The following FBN3 variants were observed in gnomAD, a reference collection of about 807,000 sequenced individuals.
The protein encoded by FBN3 is fibrillin 3.
A neutral mutation model predicts 330.1 loss-of-function variants in FBN3; 234 were observed. That is an observed-to-expected ratio of 0.71 (90% CI 0.64 to 0.79). FBN3 has a LOEUF of 0.79. Among genes scored for constraint, FBN3 ranks in the 30% least tolerant of loss-of-function variants. FBN3 has a pLI of 0.00. For synonymous variants in FBN3, 1,458 were observed against 1,517.3 expected, an observed-to-expected ratio of 0.96 and a Z score of 0.91; for missense variants, 3,606 against 3,886.9, an observed-to-expected ratio of 0.93 and a Z score of 1.92.
chr19:8,127,996 G>A (rs1475840761), intron 18 of FBN3, among the ~76,000 whole-genome samples: 1 of 152,034 alleles, frequency 6.6e-6, no homozygotes, highest in African/African-American at 2.4e-5. Flanking sequence ...GCGAGACTCT[G>A]TCTCAAAAAG....
At chr19:8,145,819 G>A (rs2083527413) in intron 5 of FBN3, 24 bp downstream of exon 5, 1 of 1,523,762 alleles carries the variant, frequency 6.6e-7, no homozygotes, top group Admixed American at 2.0e-5. Context: ...TGTGCAAAGA[G>A]GGGAGTCCCA....
At position 8,147,135 on chromosome 19, in the gene FBN3, C is replaced by G. The variant is rs145040385; in HGVS notation, c.219G>C (p.Arg73Ser). The change falls in exon 3 of 64, where the codon AGG becomes AGC. Residue 73 changes from arginine to serine, a missense_variant. By Grantham distance (110) the Arg-to-Ser change is moderately radical. Coordinates refer to ENST00000600128, the MANE Select transcript of FBN3 (RefSeq NM_032447.5). ...RFHAYCCPGWRTFPGRSQCVV... is the reference protein window; with the variant it reads ...RFHAYCCPGWSTFPGRSQCVV... ...CACACTGGCTCCTGCCAGGGAATGT[C>G]CTCCAGCCTGGACAGCAGTAGGCAT... 6.4e-7 allele frequency: 1 copy of G among 1,571,418 alleles called. No homozygotes were observed. Among genetic ancestry groups the G allele is most frequent in the East Asian group, 2.3e-5 (1 of 42,736 alleles).
Position 8,121,852 on chromosome 19 carries a change from C to T in FBN3, c.3083-466G>A, listed in dbSNP as rs1427341966. ...GCAACTTCTGCCTCCCAGGATCAAG[C>T]GATTCTCCTGCCTCAGCCTCCCGAG... On this transcript the variant is annotated intron_variant, in intron 24 of 63. Coordinates refer to ENST00000600128, the MANE Select transcript of FBN3 (RefSeq NM_032447.5). This position sits in a 1 kb window ranked among gnomAD's most constrained non-coding sequence, Gnocchi z 4.5. Among the ~76,000 whole-genome samples, 5 of 151,936 alleles carry T rather than the reference C, an allele frequency of 3.3e-5. No homozygotes were observed. Among genetic ancestry groups the T allele is most frequent in the East Asian group, 1.9e-4 (1 of 5,178 alleles).
intron 48 of FBN3, 89 bp downstream of exon 48, chr19:8,091,376 C>T (rs12984611): frequency 0.22 from 337,639 of 1,524,050 alleles, 38,400 homozygotes; most frequent in Middle Eastern, 0.24. Context: ...CAAAGGGTCA[C>T]ACAAGAAACC....
chr19:8,084,600 T>C (rs1231418518), intron 56 of FBN3, among the ~76,000 whole-genome samples: 1 of 152,064 alleles, frequency 6.6e-6, no homozygotes, highest in Non-Finnish European at 1.5e-5. Flanking sequence ...TTTATTTATT[T>C]TTTTGGGACA....
chr19:8,088,184 G>T lies in FBN3; in HGVS notation c.6377-5C>A, dbSNP rs1053007177. ...CGACAGAGCACTCGTCTGTGTCTGG[G>T]TGGGAGTAAGGGGGTGGTCAGCACC... is the stretch of plus-strand genomic sequence containing the variant. On this transcript the variant is annotated splice_polypyrimidine_tract_variant and splice_region_variant and intron_variant, in intron 51 of 63. Coordinates refer to ENST00000600128, the MANE Select transcript of FBN3 (RefSeq NM_032447.5). 6 of 1,589,692 alleles carry T rather than the reference G, an allele frequency of 3.8e-6. No individual in the cohort carries two copies. In the African/African-American group the frequency reaches 5.4e-5, roughly 14 times the overall value.
Position 8,111,064 on chromosome 19 carries a change from A to T in FBN3, c.4204T>A (p.Cys1402Ser). The T allele has an allele frequency of 1.2e-6, 2 of 1,612,578 alleles. No individual in the cohort carries two copies. The highest frequency in any genetic ancestry group is 8.5e-7 in the Non-Finnish European group (1 of 1,179,186). Reference protein sequence around the residue: ...GFDPTEDHRACQDVDECAQGN... With the variant: ...GFDPTEDHRASQDVDECAQGN... ...CTGGCGGGCCCAACCTTACCCTGGCAGGCCCGGTGGTCCTCGGTGGGGTCA... is the reference window on the plus strand; with the variant it reads ...CTGGCGGGCCCAACCTTACCCTGGCTGGCCCGGTGGTCCTCGGTGGGGTCA... Residue 1402 changes from cysteine to serine, a missense_variant, in exon 33 of 64, where the codon TGC becomes AGC. Coordinates refer to ENST00000600128, the MANE Select transcript of FBN3 (RefSeq NM_032447.5).
chr19:8,126,438 G>C lies in FBN3; in HGVS notation c.2554+30C>G, dbSNP rs556536763. On this transcript the variant is annotated intron_variant, in intron 20 of 63. Transcript: ENST00000600128. The stretch of plus-strand genomic sequence containing the variant: ...GCCCCATGGAGGGCTTTTCCCATGG[G>C]TGCCTGGGAGGCCTCAAGGAGGATA... The C allele has an allele frequency of 3.1e-6, 5 of 1,602,770 alleles. No individual in the cohort carries two copies. In the East Asian group the frequency reaches 1.1e-4, roughly 36 times the overall value.
At chr19:8,135,936 G>GCCACCCCCCCCCCCCCC in intron 13 of FBN3, 25 bp downstream of exon 13, 1 of 668,778 alleles carries the variant, frequency 1.5e-6, no homozygotes, top group Non-Finnish European at 2.4e-6. Context: ...GGAAGCCCCT[G>GCCACCCCCCCCCCCCCC]CCCACCCGCC....
Position 8,136,232 on chromosome 19 carries a change from A to G in FBN3, c.1423T>C (p.Tyr475His). The change falls in exon 12 of 64, where the codon TAC (tyrosine) becomes CAC (histidine). Residue 475 changes from tyrosine to histidine, a missense_variant. Transcript: ENST00000600128. ...NIPGTYHCRCYPGFQATPTRQ... is the reference protein window; with the variant it reads ...NIPGTYHCRCHPGFQATPTRQ... ...GTGGGCGTGGCCTGGAAGCCCGGGT[A>G]GCACCGGCAGTGGTAGGTGCCGGGG... 3 of 1,611,908 alleles carry G rather than the reference A, an allele frequency of 1.9e-6. No individual in the cohort carries two copies. Among genetic ancestry groups the G allele is most frequent in the Non-Finnish European group, 1.7e-6 (2 of 1,179,444 alleles).
At chr19:8,128,813 C>T (rs929740819) in intron 18 of FBN3, among the ~76,000 whole-genome samples, 1 of 152,146 alleles carries the variant, frequency 6.6e-6, no homozygotes, top group African/African-American at 2.4e-5. Flanking sequence ...TGAGCGTGTG[C>T]ATGTGTGTCT....
In FBN3 at chr19:8,085,406, C is replaced by T. The variant is rs769995095; in HGVS notation, c.7044G>A (p.Arg2348=). ...LCPLPGTSAY[R]KLCPHGSGYT... ...AGCCTGAGCCATGGGGGCACAGCTTCCTGTAGGCAGAGGTGCCGGGCAGGG... is the reference window on the plus strand; with the variant it reads ...AGCCTGAGCCATGGGGGCACAGCTTTCTGTAGGCAGAGGTGCCGGGCAGGG... Residue 2348 remains arginine, a synonymous_variant, in exon 56 of 64, where the codon AGG becomes AGA. Transcript: ENST00000600128. 7.6e-6 allele frequency: 12 copies of T among 1,579,054 alleles called. No homozygotes were observed. In the South Asian group the frequency reaches 1.3e-4, roughly 17 times the overall value.
At chr19:8,088,848 C>G (rs1190346934) in intron 51 of FBN3, among the ~76,000 whole-genome samples, 1 of 151,472 alleles carries the variant, frequency 6.6e-6, no homozygotes, top group Non-Finnish European at 1.5e-5. Flanking sequence ...AATGAGGGAG[C>G]AAACGAGTGA....
At chr19:8,134,326 C>T (rs1345354727) in intron 13 of FBN3, among the ~76,000 whole-genome samples, 1 of 152,094 alleles carries the variant, frequency 6.6e-6, no homozygotes, top group Non-Finnish European at 1.5e-5. Flanking sequence ...AGCATTATGC[C>T]TAACAGCAAA....
In FBN3 at chr19:8,129,124, GGAGGCTGTT is replaced by G; in HGVS notation, c.2191_2199del (p.Asn731_Leu733del). On this transcript the variant is annotated inframe_deletion, in exon 18 of 64. Transcript: ENST00000600128. This position sits in a 1 kb window ranked among gnomAD's most constrained non-coding sequence, Gnocchi z 4.5. ...TTCTGGCACCACCCGTTGTCACACAGGAGGCTGTTGAGGGCACACTCATCCACGTCTGTG... is the reference window on the plus strand; with the variant it reads ...TTCTGGCACCACCCGTTGTCACACAGGAGGGCACACTCATCCACGTCTGTG... The G allele has an allele frequency of 1.2e-6, 2 of 1,613,132 alleles. No individual in the cohort carries two copies. Among genetic ancestry groups the G allele is most frequent in the Non-Finnish European group, 1.7e-6 (2 of 1,179,984 alleles).
chr19:8,123,395 A>G, intron 24 of FBN3, 69 bp downstream of exon 24: 4 of 1,519,056 alleles, frequency 2.6e-6, no homozygotes, highest in South Asian at 2.3e-5. Context: ...TGTTGTCTCT[A>G]CGTCTTATTT....
At chr19:8,071,850 AC>A (rs34243008) in intron 63 of FBN3, among the ~76,000 whole-genome samples, 197 bp downstream of exon 63, 88,848 of 151,066 alleles carry the variant, frequency 0.59, 28,138 homozygotes, top group South Asian at 0.8. Flanking sequence ...TCCCCCAGAG[AC>A]CCCCCCCAAG....
In FBN3 at chr19:8,141,975, C is replaced by A; in HGVS notation, c.704G>T (p.Gly235Val). 4 of 1,614,160 alleles carry A rather than the reference C, an allele frequency of 2.5e-6. No individual in the cohort carries two copies. The highest frequency in any genetic ancestry group is 3.4e-6 in the Non-Finnish European group (4 of 1,180,006). ...CPAQPHPCRR[G>V]FIPNIHTGAC... ...CCCCGTGTGGATATTGGGGATGAAG[C>A]CGCGGCGGCAGGGGTGTGGCTGTGC... Residue 235 changes from glycine (G) to valine (V), a missense_variant, in exon 7 of 64, where the codon GGC becomes GTC. By Grantham distance (109) the Gly-to-Val change is moderately radical. Transcript: ENST00000600128.
rs2083578642 is a variant in FBN3, at chr19:8,147,476, G to C, written c.5C>G (p.Thr2Ser). 6.7e-7 allele frequency: 1 copy of C among 1,497,406 alleles called. No individual in the cohort carries two copies. Among genetic ancestry groups the C allele is most frequent in the South Asian group, 1.4e-5 (1 of 73,470 alleles). 92.8% of individuals were successfully genotyped at this position (1,497,406 alleles called of 1,614,324 possible). ...CCTTGCCAAATACAGACCCTCCAGA[G>C]TCATGGCGTGTCCCCTGGAGGCTGC... is the stretch of plus-strand genomic sequence containing the variant. The part of the protein sequence containing the change: M[T>S]LEGLYLARGP... The change falls in exon 2 of 64, where the codon ACT (threonine) becomes AGT (serine). Residue 2 changes from threonine to serine, a missense_variant. Coordinates refer to ENST00000600128, the MANE Select transcript of FBN3 (RefSeq NM_032447.5).
Sources: gnomAD v4.1 joint callset for allele counts (sites outside exome capture counted in the v4.1 genomes callset) on GRCh38, gnomAD v4.1.1 for gene constraint, Gnocchi (gnomAD v3.1) non-coding constraint, MANE v1.5 for transcripts, NCBI Gene and HGNC (gene_info 2026-07-23, HGNC 2026-07-21) for gene names.